The following SATL1 variants were observed in gnomAD, a reference collection of about 807,000 sequenced individuals.
The protein encoded by SATL1 is spermidine/spermine N1-acetyl transferase like 1.
A neutral mutation model predicts 51.8 loss-of-function variants in SATL1; 47 were observed. The observed-to-expected ratio is 0.91, with a 90% CI of 0.72 to 1.16. SATL1 has a LOEUF of 1.16. SATL1 is among the 50% of genes most tolerant of loss of function. The pLI is 0.00. For synonymous variants in SATL1, 176 were observed against 182.4 expected, an observed-to-expected ratio of 0.97 and a Z score of 0.28; for missense variants, 520 against 526.4, an observed-to-expected ratio of 0.99 and a Z score of 0.12.
At chrX:85,156,036 G>A (rs765223301) in intron 2 of SATL1, among the ~76,000 whole-genome samples, 2 of 111,437 alleles carry the variant, frequency 1.8e-5, no homozygotes, top group South Asian at 7.5e-4. Flanking sequence ...GTATAATTAA[G>A]TTGGTAGATA....
intron 1 of SATL1, among the ~76,000 whole-genome samples, chrX:85,235,087 A>G (rs184649982): frequency 9.0e-6 from 1 of 111,590 alleles, no homozygotes; most frequent in East Asian, 2.8e-4. Flanking sequence ...ATTTGAGACA[A>G]AATAGATTTT....
At chrX:85,141,381 G>GTCT (rs1196470727) in intron 2 of SATL1, among the ~76,000 whole-genome samples, 1 of 111,962 alleles carries the variant, frequency 8.9e-6, no homozygotes, top group Non-Finnish European at 1.9e-5. Context: ...TAACCTTAAT[G>GTCT]TCTTAGAAAG....
At chrX:85,124,076 G>A (rs190917033) in intron 2 of SATL1, among the ~76,000 whole-genome samples, 5 of 111,942 alleles carry the variant, frequency 4.5e-5, no homozygotes, top group Admixed American at 9.5e-5. Flanking sequence ...TTGACTCCAT[G>A]ATTTATAAAT....
At chrX:85,093,363 G>T in intron 6 of SATL1, 138 bp from the exon 7 acceptor site, 1 of 575,928 alleles carries the variant, frequency 1.7e-6, no homozygotes, top group South Asian at 3.8e-5. Context: ...CACAACTCGT[G>T]AATGCTTTCA....
intron 2 of SATL1, among the ~76,000 whole-genome samples, chrX:85,213,583 G>A (rs943143485): frequency 9.0e-6 from 1 of 111,311 alleles, no homozygotes; most frequent in African/African-American, 3.3e-5. Flanking sequence ...TTGGTTGACC[G>A]CATAGCAAAA....
chrX:85,205,129 A>T, intron 2 of SATL1, among the ~76,000 whole-genome samples: 1 of 112,062 alleles, frequency 8.9e-6, no homozygotes, highest in Non-Finnish European at 1.9e-5. Context: ...ATTTCAAGAG[A>T]CCATTAAAGT....
At chrX:85,123,955 G>A (rs781641621) in intron 2 of SATL1, among the ~76,000 whole-genome samples, 1 of 110,417 alleles carries the variant, frequency 9.1e-6, no homozygotes, top group Admixed American at 9.7e-5. Context: ...AATGATTTGG[G>A]GTTTTACTTT....
At chrX:85,239,702 T>G (rs1479839284) in intron 1 of SATL1, among the ~76,000 whole-genome samples, 1 of 111,635 alleles carries the variant, frequency 9.0e-6, no homozygotes, top group Non-Finnish European at 1.9e-5. Context: ...AGGACAGATA[T>G]GCACCTACAT....
chrX:85,170,895 C>G (rs1926957394), intron 2 of SATL1, among the ~76,000 whole-genome samples: 1 of 111,267 alleles, frequency 9.0e-6, no homozygotes, highest in African/African-American at 3.3e-5. Context: ...GGACATACAA[C>G]AGAAATTATA....
rs757355895 is a variant in SATL1, at chrX:85,094,893, TG to T, written c.1774+22del. ...GGAAAAAATATACTCCAGATTGAAC[TG>T]GAGAAGAAAGGTTTACTCTACCTGA... On this transcript the variant is annotated intron_variant, in intron 5 of 7. Transcript: ENST00000644105. 1.2e-5 allele frequency: 12 copies of T among 1,016,042 alleles called. No individual in the cohort carries two copies. The South Asian group carries it at 2.2e-4, about 18-fold the overall frequency. 83.7% of individuals were successfully genotyped at this position (1,016,042 alleles called of 1,213,427 possible).
chrX:85,203,505 T>G (rs1025689900), intron 2 of SATL1, among the ~76,000 whole-genome samples: 3 of 110,187 alleles, frequency 2.7e-5, no homozygotes, highest in African/African-American at 1.0e-4. Flanking sequence ...CCCACCCCTC[T>G]CTCTGGGAGT....
At chrX:85,141,815 G>T (rs1389446462) in intron 2 of SATL1, among the ~76,000 whole-genome samples, 1 of 109,131 alleles carries the variant, frequency 9.2e-6, no homozygotes, top group African/African-American at 3.3e-5. Context: ...TAAAGAATTA[G>T]AGTCTATCTA....
intron 2 of SATL1, among the ~76,000 whole-genome samples, chrX:85,140,505 G>C (rs950476784): frequency 8.9e-6 from 1 of 111,976 alleles, no homozygotes; most frequent in Non-Finnish European, 1.9e-5. Flanking sequence ...AATATGTTTG[G>C]CCATATGTAG....
At chrX:85,120,415 T>G (rs1925478944) in intron 2 of SATL1, among the ~76,000 whole-genome samples, 1 of 111,575 alleles carries the variant, frequency 9.0e-6, no homozygotes, top group Non-Finnish European at 1.9e-5. Flanking sequence ...TTAAAAACTG[T>G]TCAGAGGAAC....
intron 2 of SATL1, among the ~76,000 whole-genome samples, chrX:85,193,993 T>A (rs901842273): frequency 3.6e-5 from 4 of 111,653 alleles, no homozygotes; most frequent in African/African-American, 1.3e-4. Context: ...TGTGCATGGG[T>A]CTTTATGGTA....
chrX:85,212,115 G>A (rs1418701481), intron 2 of SATL1: 1 of 111,561 alleles, frequency 9.0e-6, no homozygotes, highest in Non-Finnish European at 1.9e-5. Flanking sequence ...TAAAAGAGAT[G>A]TTAAAGCATG....
At chrX:85,177,569 G>T (rs770987759) in intron 2 of SATL1, among the ~76,000 whole-genome samples, 3 of 111,202 alleles carry the variant, frequency 2.7e-5, no homozygotes, top group Non-Finnish European at 3.8e-5. Context: ...GTAGGAAGAT[G>T]TTTCTCTCTT....
At chrX:85,102,149 T>G (rs1417790026) in intron 4 of SATL1, among the ~76,000 whole-genome samples, 1 of 110,212 alleles carries the variant, frequency 9.1e-6, no homozygotes, top group African/African-American at 3.3e-5. Context: ...TTGTTACATA[T>G]GTACACATGT....
At chrX:85,208,787 C>A (rs1439689170) in intron 2 of SATL1, 1 of 111,589 alleles carries the variant, frequency 9.0e-6, no homozygotes, top group African/African-American at 3.3e-5. Flanking sequence ...TTTGTAGATT[C>A]TGGATATTAG....
Sources: allele counts gnomAD v4.1 joint callset (sites outside exome capture counted in the v4.1 genomes callset), GRCh38; gene constraint gnomAD v4.1.1; transcripts MANE v1.5; gene names NCBI Gene and HGNC (gene_info 2026-07-23, HGNC 2026-07-21).